PDE7B: variants seen among roughly 807,000 people sequenced by gnomAD.
PDE7B encodes the protein phosphodiesterase 7B, also known as 3',5'-cyclic-AMP phosphodiesterase 7B.
Under a neutral mutation model 56.2 loss-of-function variants are expected in PDE7B, and 29 were observed. That is an observed-to-expected ratio of 0.52 (90% confidence interval 0.38 to 0.70). The LOEUF is 0.70. PDE7B is among the 30% of genes least tolerant of loss of function. PDE7B has a pLI of 0.00. For synonymous variants in PDE7B, 197 were observed against 196.9 expected, an observed-to-expected ratio of 1.00 and a Z score of 0.00; for missense variants, 490 against 565.0, an observed-to-expected ratio of 0.87 and a Z score of 1.35.
intron 3 of PDE7B, among the ~76,000 whole-genome samples, chr6:136,130,225 AG>A (rs1778094011): frequency 6.6e-6 from 1 of 152,162 alleles, no homozygotes; most frequent in Admixed American, 6.5e-5. Flanking sequence ...TGGGATTCAG[AG>A]GGTGGCGCCA....
intron 3 of PDE7B, among the ~76,000 whole-genome samples, chr6:136,128,500 A>T (rs2128444299): frequency 6.6e-6 from 1 of 152,038 alleles, no homozygotes; most frequent in East Asian, 2.0e-4. Flanking sequence ...CTGCTTATAA[A>T]CCTGGAATAA....
intron 1 of PDE7B, among the ~76,000 whole-genome samples, chr6:135,881,398 C>T (rs2128188800): frequency 6.6e-6 from 1 of 151,526 alleles, no homozygotes; most frequent in African/African-American, 2.4e-5. Flanking sequence ...GTCCCAGCTA[C>T]TCAGGAGGCT....
chr6:135,892,187 CTT>C (rs1775820512), intron 1 of PDE7B, among the ~76,000 whole-genome samples: 1 of 152,090 alleles, frequency 6.6e-6, no homozygotes, highest in Admixed American at 6.6e-5. Flanking sequence ...AGTCTCATGA[CTT>C]TATATTCCTG....
chr6:136,102,096 A>G (rs906042231), intron 2 of PDE7B, among the ~76,000 whole-genome samples: 3 of 152,168 alleles, frequency 2.0e-5, no homozygotes, highest in Non-Finnish European at 4.4e-5. Context: ...TGGAATCCCA[A>G]TTTAGTCACT....
intron 3 of PDE7B, among the ~76,000 whole-genome samples, chr6:136,110,127 C>G (rs9389370): frequency 0.28 from 42,693 of 151,934 alleles, 7,414 homozygotes; most frequent in South Asian, 0.44. Flanking sequence ...TTTTTTAGCA[C>G]TTTCAGGGAC....
At chr6:136,052,664 A>G (rs1229311184) in intron 2 of PDE7B, among the ~76,000 whole-genome samples, 1 of 137,212 alleles carries the variant, frequency 7.3e-6, no homozygotes, top group African/African-American at 2.8e-5. Flanking sequence ...TAATCCCATC[A>G]TGGGCATACC....
In PDE7B at chr6:136,038,143, G is replaced by C. The variant is rs768809495; in HGVS notation, c.83-70588G>C. ...TTTCCGAAGCTGGAGAGGATCTTACGGGGGTTCGCTTTTCCCTGCCTGGGA... is the reference window on the plus strand; with the variant it reads ...TTTCCGAAGCTGGAGAGGATCTTACCGGGGTTCGCTTTTCCCTGCCTGGGA... On this transcript the variant is annotated intron_variant, in intron 2 of 12. Coordinates refer to ENST00000308191, the MANE Select transcript of PDE7B (RefSeq NM_018945.4). The C allele has an allele frequency of 2.9e-5, 35 of 1,226,100 alleles. 1 individual carries two copies. The South Asian group carries it at 3.3e-4, about 12-fold the overall frequency. The allele number at this position is 1,226,100 out of a possible 1,614,324, so 76.0% of individuals were successfully genotyped here. A position where few individuals can be genotyped will look rare whatever the true frequency, so the allele number is the denominator to read the frequency against.
Position 136,194,426 on chromosome 6 carries a change from T to A in PDE7B, c.*2586T>A, listed in dbSNP as rs1057450479. ...GCCCATGATGTAGCCACTAGTACAATAAAAATCTGAAGTAAAATGAGGCAT... is the reference window on the plus strand; with the variant it reads ...GCCCATGATGTAGCCACTAGTACAAAAAAAATCTGAAGTAAAATGAGGCAT... On this transcript the variant is annotated 3_prime_UTR_variant, in exon 13 of 13. Coordinates refer to ENST00000308191, the MANE Select transcript of PDE7B (RefSeq NM_018945.4). 8 of 152,102 alleles carry A rather than the reference T, an allele frequency of 5.3e-5. No individual in the cohort carries two copies. Among genetic ancestry groups the A allele is most frequent in the African/African-American group, 1.2e-4 (5 of 41,424 alleles). The allele number at this position is 152,102 out of a possible 1,614,324, so 9.4% of individuals were successfully genotyped here.
At chr6:136,174,025 A>C (rs1288219621) in intron 9 of PDE7B, 137 bp downstream of exon 9, 2 of 646,778 alleles carry the variant, frequency 3.1e-6, no homozygotes, top group African/African-American at 3.6e-5. Context: ...TGAGCTGTCT[A>C]TCAGAGGAGA....
At chr6:135,981,003 T>G (rs1240187322) in intron 2 of PDE7B, among the ~76,000 whole-genome samples, 12 of 147,204 alleles carry the variant, frequency 8.2e-5, no homozygotes, top group Non-Finnish European at 1.1e-4. Context: ...ATTGCGGCAT[T>G]ATTCACAATA....
intron 2 of PDE7B, among the ~76,000 whole-genome samples, chr6:136,066,214 C>T (rs1776933919): frequency 6.6e-6 from 1 of 152,176 alleles, no homozygotes; most frequent in Admixed American, 6.5e-5. Flanking sequence ...TAATATTATA[C>T]TTAATGCTGG....
At chr6:136,105,606 C>T (rs549324199) in intron 2 of PDE7B, among the ~76,000 whole-genome samples, 6 of 152,224 alleles carry the variant, frequency 3.9e-5, no homozygotes, top group South Asian at 2.1e-4. Context: ...TTTCACATAC[C>T]TTATAATTTC....
In PDE7B at chr6:135,959,761, T is replaced by C. The variant is rs1457398288; in HGVS notation, c.82+12237T>C. Among the ~76,000 whole-genome samples the C allele has an allele frequency of 1.0e-4, 13 of 130,098 alleles. No individual in the cohort carries two copies. The South Asian group carries it at 3.2e-3, about 32-fold the overall frequency. The allele number at this position is 130,098 out of a possible 152,430, so 85.3% of individuals were successfully genotyped here. A position where few individuals can be genotyped will look rare whatever the true frequency, so the allele number is the denominator to read the frequency against. On this transcript the variant is annotated intron_variant, in intron 2 of 12. Coordinates refer to ENST00000308191, the MANE Select transcript of PDE7B (RefSeq NM_018945.4). ...CAGACATTTGGAATATCACAGAGTC[T>C]TTTCTTAAAAAAAAAAAGTTTACAT...
rs984103238 is a variant in PDE7B at position 136,003,573 on chromosome 6, C to A, written c.82+56049C>A. The stretch of plus-strand genomic sequence containing the variant: ...CTACCATCAGAGAATACTACAAACA[C>A]CTCTATGCAAATAAACTAGAAAATC... On this transcript the variant is annotated intron_variant, in intron 2 of 12. Coordinates refer to ENST00000308191, the MANE Select transcript of PDE7B (RefSeq NM_018945.4). 2.2e-4 allele frequency among the ~76,000 whole-genome samples: 33 copies of A among 152,284 alleles called. 1 individual carries two copies. The highest frequency in any genetic ancestry group is 2.1e-4 in the Non-Finnish European group (14 of 68,018).
chr6:135,972,713 C>G (rs1336028694), intron 2 of PDE7B, among the ~76,000 whole-genome samples: 1 of 152,094 alleles, frequency 6.6e-6, no homozygotes, highest in Non-Finnish European at 1.5e-5. Flanking sequence ...ACCACTGTTG[C>G]ATCAAATTTT....
chr6:135,982,949 C>T (rs1460622663), intron 2 of PDE7B, among the ~76,000 whole-genome samples: 3 of 152,100 alleles, frequency 2.0e-5, no homozygotes, highest in Admixed American at 2.0e-4. Flanking sequence ...AGAAGAACTC[C>T]CAGTCTCTGT....
intron 2 of PDE7B, among the ~76,000 whole-genome samples, chr6:135,967,024 C>T (rs1775007056): frequency 6.6e-6 from 1 of 152,156 alleles, no homozygotes; most frequent in Non-Finnish European, 1.5e-5. Context: ...CTGGCCCTTT[C>T]CCTGCAGTGG....
chr6:136,118,479 C>T (rs1777875310), intron 3 of PDE7B, among the ~76,000 whole-genome samples: 1 of 152,154 alleles, frequency 6.6e-6, no homozygotes, highest in Non-Finnish European at 1.5e-5. Flanking sequence ...CTATGCTTTG[C>T]ACAGTTAGAC....
intron 2 of PDE7B, among the ~76,000 whole-genome samples, chr6:135,977,841 G>T (rs1775218519): frequency 6.6e-6 from 1 of 151,978 alleles, no homozygotes; most frequent in Non-Finnish European, 1.5e-5. Flanking sequence ...AAGTAATTGT[G>T]GTTTTTGCCA....
Sources: gnomAD v4.1 joint callset for allele counts (sites outside exome capture counted in the v4.1 genomes callset) on GRCh38, gnomAD v4.1.1 for gene constraint, MANE v1.5 for transcripts, NCBI Gene and HGNC (gene_info 2026-07-23, HGNC 2026-07-21) for gene names.